Variants in LRRC37A2 observed in about 807,000 individuals in gnomAD.
The protein encoded by LRRC37A2 is leucine-rich repeat-containing protein 37A2.
LRRC37A2 carries 9 observed loss-of-function variants against 68.8 expected under a neutral mutation model. The ratio of observed to expected loss-of-function variants is 0.13; its 90% CI spans 0.08 to 0.23. The LOEUF (loss-of-function observed/expected upper bound fraction) is 0.23. LRRC37A2 is among the 10% of genes least tolerant of loss of function. The pLI is 1.00. For synonymous variants in LRRC37A2, 63 were observed against 367.6 expected, an observed-to-expected ratio of 0.17 and a Z score of 9.48; for missense variants, 168 against 950.4, an observed-to-expected ratio of 0.18 and a Z score of 10.82.
chr17:46,852,045 C>A, the LRRC37A2 span, among the ~76,000 whole-genome samples: 1 of 152,250 alleles, frequency 6.6e-6, no homozygotes, highest in Non-Finnish European at 1.5e-5. Flanking sequence ...CCCGTTCAGG[C>A]GTCAGTCCCG....
chr17:46,972,605 T>C, the LRRC37A2 span, among the ~76,000 whole-genome samples: 7 of 152,314 alleles, frequency 4.6e-5, no homozygotes, highest in African/African-American at 9.6e-5. Context: ...TGCATTGCTG[T>C]CAACATACAG....
At chr17:46,905,995 T>G in the LRRC37A2 span, among the ~76,000 whole-genome samples, 3 of 152,216 alleles carry the variant, frequency 2.0e-5, no homozygotes, top group Admixed American at 2.0e-4. Flanking sequence ...GGATATGGGC[T>G]GCCGACCTTC....
chr17:46,967,977 G>A, the LRRC37A2 span, among the ~76,000 whole-genome samples: 1 of 152,150 alleles, frequency 6.6e-6, no homozygotes, highest in African/African-American at 2.4e-5. Context: ...GTCAGACAGG[G>A]TTTCCTGCTA....
At chr17:46,825,062 C>T in the LRRC37A2 span, among the ~76,000 whole-genome samples, 6 of 152,252 alleles carry the variant, frequency 3.9e-5, no homozygotes, top group African/African-American at 1.2e-4. Flanking sequence ...TCCCTCTGTG[C>T]CCCTTTATTC....
the LRRC37A2 span, among the ~76,000 whole-genome samples, chr17:46,929,331 T>C: frequency 6.6e-6 from 1 of 152,328 alleles, no homozygotes; most frequent in African/African-American, 2.4e-5. Flanking sequence ...ATCAGTGTTA[T>C]TGTTAGTAGT....
the LRRC37A2 span, among the ~76,000 whole-genome samples, chr17:46,877,541 C>A: frequency 6.6e-6 from 1 of 152,170 alleles, no homozygotes; most frequent in East Asian, 1.9e-4. Flanking sequence ...AACAGGGAGA[C>A]AACGGCCCCT....
the LRRC37A2 span, among the ~76,000 whole-genome samples, chr17:47,006,714 A>G: frequency 6.6e-6 from 1 of 152,166 alleles, no homozygotes; most frequent in Non-Finnish European, 1.5e-5. Context: ...CTTGACTGAC[A>G]ATGTTCAGGC....
the LRRC37A2 span, among the ~76,000 whole-genome samples, chr17:46,959,725 G>A: frequency 6.6e-6 from 1 of 152,016 alleles, no homozygotes; most frequent in Non-Finnish European, 1.5e-5. Context: ...TCCTATTCTG[G>A]GCTCTCTCCT....
rs1406763983 is a variant in LRRC37A2 at position 46,545,278 on chromosome 17, A to C, written c.3054-977A>C. Among the ~76,000 whole-genome samples the C allele has an allele frequency of 1.4e-5, 2 of 142,720 alleles. 1 individual carries two copies. The highest frequency in any genetic ancestry group is 5.5e-5 in the African/African-American group (2 of 36,654). The allele number at this position is 142,720 out of a possible 152,430, so 93.6% of individuals were successfully genotyped here. On this transcript the variant is annotated intron_variant, in intron 8 of 14. Transcript: ENST00000576629. ...GAAACTCTGTCACTACTGAAAATACAAAAGTACAAAAAAAAAAAAAAAATT... is the reference window on the plus strand; with the variant it reads ...GAAACTCTGTCACTACTGAAAATACCAAAGTACAAAAAAAAAAAAAAAATT...
chr17:46,775,956 C>T, the LRRC37A2 span, among the ~76,000 whole-genome samples: 12 of 152,226 alleles, frequency 7.9e-5, no homozygotes, highest in African/African-American at 9.6e-5. Context: ...TTACTGATTT[C>T]CCCGGTGCCT....
the LRRC37A2 span, among the ~76,000 whole-genome samples, chr17:46,720,641 C>G: frequency 6.6e-6 from 1 of 152,090 alleles, no homozygotes; most frequent in East Asian, 1.9e-4. Context: ...TATATGCTAC[C>G]AAATATGATT....
the LRRC37A2 span, among the ~76,000 whole-genome samples, chr17:46,910,873 G>A: frequency 6.6e-6 from 1 of 152,236 alleles, no homozygotes; most frequent in African/African-American, 2.4e-5. Flanking sequence ...GGGAAGCAGA[G>A]GCTCCAACTT....
intron 11 of LRRC37A2, among the ~76,000 whole-genome samples, chr17:46,551,073 C>T (rs1471903937): frequency 1.3e-5 from 2 of 150,076 alleles, no homozygotes; most frequent in African/African-American, 5.1e-5. Context: ...TTTTTAAGTT[C>T]ACTGGTGAGG....
chr17:46,853,101 C>T, the LRRC37A2 span, among the ~76,000 whole-genome samples: 4 of 152,068 alleles, frequency 2.6e-5, no homozygotes, highest in Non-Finnish European at 4.4e-5. Flanking sequence ...TGTTTGTTTC[C>T]GAAGATTTCA....
the LRRC37A2 span, among the ~76,000 whole-genome samples, chr17:46,874,288 G>A: frequency 6.6e-6 from 1 of 152,202 alleles, no homozygotes; most frequent in African/African-American, 2.4e-5. Flanking sequence ...ATTCCACAGT[G>A]GGTAGCAGAG....
the LRRC37A2 span, chr17:46,929,800 C>T: frequency 7.4e-6 from 4 of 542,254 alleles, no homozygotes; most frequent in Non-Finnish European, 1.0e-5. Context: ...TACCCCTCCA[C>T]TCAACCTGAC....
chr17:46,879,938 G>T, the LRRC37A2 span, among the ~76,000 whole-genome samples: 1 of 152,244 alleles, frequency 6.6e-6, no homozygotes, highest in Admixed American at 6.5e-5. Flanking sequence ...TGCCCACACT[G>T]CCCAAGAAGC....
chr17:46,726,521 G>C, the LRRC37A2 span: 1 of 1,606,284 alleles, frequency 6.2e-7, no homozygotes, highest in East Asian at 2.2e-5. Flanking sequence ...AGGACAGTGA[G>C]ATAATAAATG....
the LRRC37A2 span, among the ~76,000 whole-genome samples, chr17:46,789,352 A>G: frequency 4.6e-5 from 7 of 152,222 alleles, no homozygotes; most frequent in African/African-American, 1.7e-4. Context: ...GATGCAGGCT[A>G]TACACTACGG....
Sources: gnomAD v4.1 joint callset for allele counts (sites outside exome capture counted in the v4.1 genomes callset) on GRCh38, gnomAD v4.1.1 for gene constraint, MANE v1.5 for transcripts, NCBI Gene and HGNC (gene_info 2026-07-23, HGNC 2026-07-21) for gene names.